Variants in DLGAP2 observed in about 807,000 individuals in gnomAD.
DLGAP2 encodes DLG associated protein 2.
DLGAP2 carries 26 observed loss-of-function variants against 100.3 expected under a neutral mutation model. The ratio of observed to expected loss-of-function variants is 0.26; its 90% CI spans 0.19 to 0.36. DLGAP2 has a LOEUF of 0.36. Ranked by LOEUF, DLGAP2 falls within the 10% of genes least tolerant of loss-of-function variation. The pLI is 1.00. For synonymous variants in DLGAP2, 886 were observed against 630.1 expected (o/e 1.41, Z -6.08); for missense variants, 1,858 against 1,453.2 (o/e 1.28, Z -4.53).
intron 6 of DLGAP2, among the ~76,000 whole-genome samples, chr8:1,620,834 C>A (rs1057128032): frequency 2.6e-5 from 4 of 152,204 alleles, no homozygotes; most frequent in African/African-American, 9.7e-5. Context: ...TAAGAACTTG[C>A]AGTACTTTTC....
intron 3 of DLGAP2, among the ~76,000 whole-genome samples, chr8:1,275,824 A>G (rs1427002287): frequency 5.6e-5 from 7 of 125,244 alleles, no homozygotes; most frequent in African/African-American, 2.2e-4. Context: ...TATAATATAT[A>G]AAAATAAATA....
At chr8:1,388,778 G>C (rs1292992379) in intron 3 of DLGAP2, among the ~76,000 whole-genome samples, 1 of 120,810 alleles carries the variant, frequency 8.3e-6, no homozygotes, top group Non-Finnish European at 1.7e-5. Flanking sequence ...ATGAGGAGGC[G>C]CTGGTTCAAG....
chr8:1,599,850 T>C (rs1436444713), intron 6 of DLGAP2, among the ~76,000 whole-genome samples: 1 of 152,234 alleles, frequency 6.6e-6, no homozygotes, highest in African/African-American at 2.4e-5. Context: ...GTCTTTTAAC[T>C]GGGACATTTA....
intron 2 of DLGAP2, among the ~76,000 whole-genome samples, chr8:1,254,061 C>T (rs116743355): frequency 0.037 from 5,572 of 152,304 alleles, 333 homozygotes; most frequent in African/African-American, 0.13. Context: ...GTGAGGCTTC[C>T]AGTCCCTCCT....
rs1802318644 is a variant in DLGAP2 at position 1,564,546 on chromosome 8, T to C, written c.1231-1137T>C. Among the ~76,000 whole-genome samples the C allele has an allele frequency of 2.6e-5, 4 of 152,208 alleles. No individual in the cohort carries two copies. In the South Asian group the frequency reaches 8.3e-4, roughly 32 times the overall value. On this transcript the variant is annotated intron_variant, in intron 5 of 14. Transcript: ENST00000637795. ...CTCTCAGCTCTGTGCAAGGCAGATA[T>C]ATAGCAAGTACATGGGCCCAGTTCT...
intron 3 of DLGAP2, among the ~76,000 whole-genome samples, chr8:1,418,141 C>G (rs777883352): frequency 6.6e-6 from 1 of 152,200 alleles, no homozygotes; most frequent in Non-Finnish European, 1.5e-5. Context: ...AGTGTGGCCT[C>G]ATGCACAGCA....
intron 2 of DLGAP2, among the ~76,000 whole-genome samples, chr8:1,071,037 C>T (rs745925220): frequency 6.6e-5 from 10 of 152,168 alleles, no homozygotes; most frequent in Non-Finnish European, 1.2e-4. Context: ...GCCGGCACCT[C>T]ACTGAGCAGA....
At chr8:1,528,819 G>A (rs186380335) in intron 4 of DLGAP2, among the ~76,000 whole-genome samples, 1 of 152,326 alleles carries the variant, frequency 6.6e-6, no homozygotes, top group Admixed American at 6.5e-5. Context: ...GAAGGACTGG[G>A]AGCTCCCCTT....
chr8:819,999 A>T (rs1204158122), intron 1 of DLGAP2, among the ~76,000 whole-genome samples: 3 of 152,256 alleles, frequency 2.0e-5, no homozygotes, highest in Non-Finnish European at 4.4e-5. Context: ...GATGTGTTAG[A>T]GAAAAAAATG....
At chr8:1,533,299 T>A (rs530042503) in intron 4 of DLGAP2, among the ~76,000 whole-genome samples, 59 of 151,884 alleles carry the variant, frequency 3.9e-4, no homozygotes, top group African/African-American at 1.4e-3. Context: ...GAGATCAAGA[T>A]CATCCTGGCT....
chr8:949,314 G>A (rs1462499725), intron 2 of DLGAP2, among the ~76,000 whole-genome samples: 1 of 152,196 alleles, frequency 6.6e-6, no homozygotes, highest in East Asian at 1.9e-4. Context: ...TTGGGCGTGA[G>A]TCTGGGATTC....
In DLGAP2 at chr8:905,992, A is replaced by G. The variant is rs1487157405; in HGVS notation, c.19-1920A>G. 3.3e-5 allele frequency among the ~76,000 whole-genome samples: 5 copies of G among 152,356 alleles called. No individual in the cohort carries two copies. In the South Asian group the frequency reaches 6.2e-4, roughly 19 times the overall value. The stretch of plus-strand genomic sequence containing the variant: ...GACTTTATTCCCGCTTCTTCAAGAC[A>G]TGTCTGTGGAATGGGGTTGCCTGCA... On this transcript the variant is annotated intron_variant, in intron 1 of 14. Coordinates refer to ENST00000637795, the MANE Select transcript of DLGAP2 (RefSeq NM_001346810.2).
At chr8:1,673,171 A>G (rs928100072) in intron 10 of DLGAP2, among the ~76,000 whole-genome samples, 1 of 152,182 alleles carries the variant, frequency 6.6e-6, no homozygotes, top group African/African-American at 2.4e-5. Context: ...GGTGCAATCA[A>G]TCACAGCTCA....
At chr8:1,322,085 C>T (rs746451216) in intron 3 of DLGAP2, among the ~76,000 whole-genome samples, 4 of 152,098 alleles carry the variant, frequency 2.6e-5, no homozygotes, top group Non-Finnish European at 4.4e-5. Context: ...CCCTAGATAA[C>T]AGTGAACTAA....
chr8:1,553,450 C>A (rs1472044853), intron 5 of DLGAP2, among the ~76,000 whole-genome samples: 2 of 152,112 alleles, frequency 1.3e-5, no homozygotes, highest in Non-Finnish European at 2.9e-5. Flanking sequence ...CTGTTTTATT[C>A]GGCGTGTTCA....
intron 2 of DLGAP2, among the ~76,000 whole-genome samples, chr8:1,077,280 G>C (rs1238710904): frequency 6.6e-6 from 1 of 152,126 alleles, no homozygotes; most frequent in Non-Finnish European, 1.5e-5. Context: ...GTTTCTAAAC[G>C]CAACCATGTT....
chr8:987,080 C>T (rs140869563), intron 2 of DLGAP2, among the ~76,000 whole-genome samples: 137 of 152,306 alleles, frequency 9.0e-4, no homozygotes, highest in African/African-American at 3.2e-3. Flanking sequence ...TCTGCTTCAC[C>T]AAACTCCCGT....
At chr8:1,049,908 G>C (rs1015867801) in intron 2 of DLGAP2, among the ~76,000 whole-genome samples, 1 of 152,198 alleles carries the variant, frequency 6.6e-6, no homozygotes, top group African/African-American at 2.4e-5. Context: ...ACATGTGCAG[G>C]CAGGCAGACA....
rs797003278 is a variant in DLGAP2 at position 1,362,520 on chromosome 8, C to G, written c.106+103637C>G. On this transcript the variant is annotated intron_variant, in intron 3 of 14. Transcript: ENST00000637795. ...TCATTTCCCCTTACACTGTGTGGTC[C>G]CCGTGAGCCTTGGCTTCCACACTAA... Among the ~76,000 whole-genome samples the G allele has an allele frequency of 5.2e-4, 79 of 152,182 alleles. 2 individuals are homozygous for G. Among genetic ancestry groups the G allele is most frequent in the African/African-American group, 1.8e-3 (76 of 41,496 alleles).
Sources: allele counts gnomAD v4.1 joint callset (sites outside exome capture counted in the v4.1 genomes callset), GRCh38; gene constraint gnomAD v4.1.1; transcripts MANE v1.5; gene names NCBI Gene and HGNC (gene_info 2026-07-23, HGNC 2026-07-21).